BABAM2: variants seen among roughly 807,000 people sequenced by gnomAD.
BABAM2 encodes BRISC and BRCA1 A complex member 2, also known as BRISC and BRCA1-A complex member 2.
BABAM2 carries 31 observed loss-of-function variants against 54.7 expected under a neutral mutation model. The ratio of observed to expected loss-of-function variants is 0.57; its 90% CI spans 0.43 to 0.77. The LOEUF (loss-of-function observed/expected upper bound fraction) is 0.77, where lower values mean the gene tolerates loss of function less well. Ranked by LOEUF, BABAM2 falls within the 30% of genes least tolerant of loss-of-function variation. The pLI, the probability that BABAM2 is intolerant of heterozygous loss-of-function variation, is 0.00. For synonymous variants in BABAM2, 167 were observed against 162.9 expected, an observed-to-expected ratio of 1.03 and a Z score of -0.19; for missense variants, 364 against 455.8, an observed-to-expected ratio of 0.80 and a Z score of 1.83.
intron 1 of BABAM2, among the ~76,000 whole-genome samples, chr2:27,893,727 G>A (rs947337854): frequency 6.6e-6 from 1 of 152,128 alleles, no homozygotes; most frequent in Non-Finnish European, 1.5e-5. Flanking sequence ...CGGGTGCGGT[G>A]GCTCACGCCT....
chr2:28,232,507 T>G (rs1323366511), intron 7 of BABAM2, among the ~76,000 whole-genome samples: 1 of 152,242 alleles, frequency 6.6e-6, no homozygotes, highest in Admixed American at 6.5e-5. Flanking sequence ...ATTGTCGTTG[T>G]GCAAACATCA....
chr2:27,958,316 G>C (rs540317716), intron 3 of BABAM2, among the ~76,000 whole-genome samples: 1 of 152,010 alleles, frequency 6.6e-6, no homozygotes, highest in Non-Finnish European at 1.5e-5. Flanking sequence ...CAGAGATATA[G>C]AGGTTAAGTC....
intron 3 of BABAM2, among the ~76,000 whole-genome samples, chr2:27,950,838 A>C (rs1669658762): frequency 2.0e-5 from 3 of 152,316 alleles, no homozygotes; most frequent in Admixed American, 2.0e-4. Flanking sequence ...ATTTAGATCT[A>C]TTCAGATTAT....
At chr2:28,315,065 A>C (rs2148291325) in intron 11 of BABAM2, among the ~76,000 whole-genome samples, 2 of 124,046 alleles carry the variant, frequency 1.6e-5, no homozygotes, top group African/African-American at 3.0e-5. Context: ...GGGGAGGGGA[A>C]AGGGGGGAGG....
At chr2:28,112,142 T>C (rs538351748) in intron 6 of BABAM2, among the ~76,000 whole-genome samples, 140 of 13,566 alleles carry the variant, frequency 0.01, 4 homozygotes, top group Middle Eastern at 0.02. Flanking sequence ...TCTTTCTTTC[T>C]TTCTTTACCT....
At chr2:28,216,717 T>C (rs1346531237) in intron 7 of BABAM2, among the ~76,000 whole-genome samples, 2 of 152,208 alleles carry the variant, frequency 1.3e-5, no homozygotes, top group African/African-American at 4.8e-5. Flanking sequence ...GAGAAGCCCA[T>C]GAAATATTCA....
chr2:28,166,428 G>C (rs998454334), intron 7 of BABAM2, among the ~76,000 whole-genome samples: 7 of 152,158 alleles, frequency 4.6e-5, no homozygotes, highest in African/African-American at 1.7e-4. Context: ...ACCACAGGAA[G>C]GACACATTTT....
intron 11 of BABAM2, among the ~76,000 whole-genome samples, chr2:28,317,347 AAGCAGAAT>A (rs1394840287): frequency 2.6e-5 from 4 of 152,116 alleles, no homozygotes; most frequent in African/African-American, 7.2e-5. Flanking sequence ...GCGTAGGTTC[AAGCAGAAT>A]AGCACCCTTG....
At chr2:28,311,226 A>T (rs1405783043) in intron 11 of BABAM2, among the ~76,000 whole-genome samples, 3 of 148,652 alleles carry the variant, frequency 2.0e-5, no homozygotes. Flanking sequence ...GCGCCACTGC[A>T]CTCCAGCCTA....
chr2:27,904,712 T>C (rs372778631), intron 2 of BABAM2, among the ~76,000 whole-genome samples: 1 of 152,206 alleles, frequency 6.6e-6, no homozygotes, highest in African/African-American at 2.4e-5. Context: ...ACTGCATTCA[T>C]GAAACTATGA....
chr2:28,091,722 T>A (rs909231317), intron 6 of BABAM2, among the ~76,000 whole-genome samples: 3 of 152,196 alleles, frequency 2.0e-5, no homozygotes, highest in Non-Finnish European at 4.4e-5. Flanking sequence ...GGGTAAGTGA[T>A]TAGAACTAGG....
intron 4 of BABAM2, among the ~76,000 whole-genome samples, chr2:28,005,800 C>T (rs1171691193): frequency 3.3e-5 from 5 of 152,078 alleles, no homozygotes; most frequent in Admixed American, 6.5e-5. Flanking sequence ...ATAATTGCCA[C>T]GTCATAATCT....
chr2:27,936,439 C>T (rs1268382825), intron 3 of BABAM2, among the ~76,000 whole-genome samples: 1 of 152,120 alleles, frequency 6.6e-6, no homozygotes, highest in Admixed American at 6.5e-5. Context: ...CCAGCCATCC[C>T]ATTACTGGAT....
At chr2:28,266,476 T>C (rs1360382862) in intron 10 of BABAM2, among the ~76,000 whole-genome samples, 1 of 152,260 alleles carries the variant, frequency 6.6e-6, no homozygotes, top group Non-Finnish European at 1.5e-5. Context: ...TGTAAGTGGA[T>C]TGATAGTATC....
intron 7 of BABAM2, among the ~76,000 whole-genome samples, chr2:28,205,306 C>T (rs905476820): frequency 6.6e-6 from 1 of 151,926 alleles, no homozygotes; most frequent in Non-Finnish European, 1.5e-5. Flanking sequence ...TCAAGACCAT[C>T]CTGGCCAACA....
intron 6 of BABAM2, among the ~76,000 whole-genome samples, chr2:28,119,102 A>G (rs1237282609): frequency 6.6e-6 from 1 of 152,140 alleles, no homozygotes; most frequent in Non-Finnish European, 1.5e-5. Context: ...TGGTACCAGT[A>G]CTATGCTGTT....
intron 7 of BABAM2, among the ~76,000 whole-genome samples, chr2:28,187,831 G>C (rs919185077): frequency 2.6e-5 from 4 of 151,908 alleles, no homozygotes; most frequent in Admixed American, 6.6e-5. Context: ...ACCACGCCCG[G>C]TTTATTTTTT....
At chr2:28,050,054 A>G (rs939686944) in intron 6 of BABAM2, among the ~76,000 whole-genome samples, 5 of 152,190 alleles carry the variant, frequency 3.3e-5, no homozygotes, top group African/African-American at 1.2e-4. Context: ...ACTGGAGTGA[A>G]CTAGCATGTA....
intron 6 of BABAM2, among the ~76,000 whole-genome samples, chr2:28,122,728 G>A (rs978055688): frequency 6.6e-6 from 1 of 152,184 alleles, no homozygotes; most frequent in African/African-American, 2.4e-5. Context: ...TATCAAAGGA[G>A]TAGAGCATAA....
Sources: allele counts gnomAD v4.1 joint callset (sites outside exome capture counted in the v4.1 genomes callset), GRCh38; gene constraint gnomAD v4.1.1; transcripts MANE v1.5; gene names NCBI Gene and HGNC (gene_info 2026-07-23, HGNC 2026-07-21).